Variants in SEM1 observed in about 807,000 individuals in gnomAD.
The protein encoded by SEM1 is SEM1 26S proteasome subunit, also known as 26S proteasome complex subunit SEM1.
SEM1 carries 3 observed loss-of-function variants against 12.7 expected under a neutral mutation model. The observed-to-expected ratio is 0.24, with a 90% CI of 0.11 to 0.61. The LOEUF (loss-of-function observed/expected upper bound fraction) is 0.61, where lower values mean the gene tolerates loss of function less well. Among genes scored for constraint, SEM1 ranks in the 20% least tolerant of loss-of-function variants. SEM1 has a pLI of 0.88. For synonymous variants in SEM1, 30 were observed against 27.8 expected (o/e 1.08, Z -0.25); for missense variants, 59 against 81.3 (o/e 0.73, Z 1.06).
intron 2 of SEM1, among the ~76,000 whole-genome samples, chr7:96,567,351 T>G (rs1805873122): frequency 6.6e-6 from 1 of 151,520 alleles, no homozygotes; most frequent in East Asian, 1.9e-4. Context: ...CCCTTTATAT[T>G]TTAATGTAAC....
chr7:96,587,986 G>A (rs552301053), intron 2 of SEM1, among the ~76,000 whole-genome samples: 1 of 152,166 alleles, frequency 6.6e-6, no homozygotes, highest in East Asian at 1.9e-4. Flanking sequence ...TGTTAACAAC[G>A]AAGTATTATA....
chr7:96,505,097 T>C (rs189830886), intron 3 of SEM1, among the ~76,000 whole-genome samples: 98 of 151,998 alleles, frequency 6.4e-4, no homozygotes, highest in Non-Finnish European at 1.2e-3. Flanking sequence ...GAGTTATCTA[T>C]CTATTTATTT....
intron 2 of SEM1, among the ~76,000 whole-genome samples, chr7:96,572,672 T>C (rs1806074937): frequency 6.6e-6 from 1 of 152,204 alleles, no homozygotes; most frequent in Admixed American, 6.5e-5. Flanking sequence ...TCCATTATTT[T>C]GCATTTGCTG....
At chr7:96,489,756 C>T (rs971770398) in intron 1 of SEM1, among the ~76,000 whole-genome samples, 2 of 152,156 alleles carry the variant, frequency 1.3e-5, no homozygotes, top group African/African-American at 4.8e-5. Context: ...AATGTTGGGC[C>T]TTCCTTGGTT....
At chr7:96,619,700 C>G (rs1807829727), downstream of SEM1, among the ~76,000 whole-genome samples, 1 of 151,966 alleles carries the variant, frequency 6.6e-6, no homozygotes. Context: ...CACCGGGACC[C>G]AAGCAGTCTG....
intron 2 of SEM1, among the ~76,000 whole-genome samples, chr7:96,639,190 G>T (rs1808517187): frequency 6.6e-6 from 1 of 151,810 alleles, no homozygotes; most frequent in Non-Finnish European, 1.5e-5. Context: ...ATTCAACTTT[G>T]TTCACATTTG....
intron 2 of SEM1, among the ~76,000 whole-genome samples, chr7:96,553,740 T>G (rs1390417087): frequency 6.6e-6 from 1 of 152,148 alleles, no homozygotes; most frequent in African/African-American, 2.4e-5. Context: ...AGAAAGTCAT[T>G]GGTAGCTTGA....
At chr7:96,488,582 G>A (rs1054906611) in intron 1 of SEM1, among the ~76,000 whole-genome samples, 12 of 152,034 alleles carry the variant, frequency 7.9e-5, no homozygotes, top group South Asian at 6.2e-4. Flanking sequence ...CTTTCTGCTT[G>A]AGGTCAGAAG....
chr7:96,576,767 T>A (rs1414158523), intron 2 of SEM1, among the ~76,000 whole-genome samples: 1 of 152,184 alleles, frequency 6.6e-6, no homozygotes, highest in African/African-American at 2.4e-5. Flanking sequence ...AATTCTGTTC[T>A]AGGTAATACG....
chr7:96,491,917 T>G (rs1476341564), intron 1 of SEM1, among the ~76,000 whole-genome samples: 1 of 152,192 alleles, frequency 6.6e-6, no homozygotes, highest in Non-Finnish European at 1.5e-5. Flanking sequence ...TGCACCCTTT[T>G]ACAGACAAGA....
At position 96,563,266 on chromosome 7, in the gene SEM1, A is replaced by G. The variant is rs907088501; in HGVS notation, c.171-56568T>C. ...GGCATTAGGAGGGTTGGGAAGGTAT[A>G]TTCTGATTGCTTCTATTTTTTCAGT... On this transcript the variant is annotated intron_variant and NMD_transcript_variant, in intron 2 of 3. Coordinates refer to the SEM1 transcript ENST00000466986. 3.9e-5 allele frequency among the ~76,000 whole-genome samples: 6 copies of G among 152,094 alleles called. No individual in the cohort carries two copies. In the South Asian group the frequency reaches 1.2e-3, roughly 32 times the overall value.
intron 1 of SEM1, among the ~76,000 whole-genome samples, chr7:96,486,669 G>C (rs1802783932): frequency 1.3e-5 from 2 of 152,170 alleles, no homozygotes; most frequent in African/African-American, 4.8e-5. Flanking sequence ...CAGCCTGGGT[G>C]TCACTTATTC....
At chr7:96,695,845 G>A (rs1378760559) in intron 1 of SEM1, 4 of 151,646 alleles carry the variant, frequency 2.6e-5, no homozygotes, top group Non-Finnish European at 5.9e-5. Flanking sequence ...TCCCTAAAAA[G>A]GAAATAATCA....
At chr7:96,566,860 T>G (rs1805856597) in intron 2 of SEM1, among the ~76,000 whole-genome samples, 1 of 151,672 alleles carries the variant, frequency 6.6e-6, no homozygotes, top group African/African-American at 2.4e-5. Flanking sequence ...TCCAGAAGAC[T>G]AGGCAATTGT....
rs1432558168 is a variant in SEM1, at chr7:96,640,193, C to T, written c.171-17550G>A. On this transcript the variant is annotated intron_variant, in intron 2 of 2. Coordinates refer to the SEM1 transcript ENST00000417009. This position sits in a 1 kb window ranked among gnomAD's most constrained non-coding sequence, Gnocchi z 4.0. ...TCTTACAAAACTAAACATACTCTTA[C>T]CATGGGATCCAGAAATTATATGCCT... is the stretch of plus-strand genomic sequence containing the variant. 6.6e-6 allele frequency among the ~76,000 whole-genome samples: 1 copy of T among 151,868 alleles called. No homozygotes were observed. The highest frequency in any genetic ancestry group is 1.5e-5 in the Non-Finnish European group (1 of 67,906).
At position 96,607,984 on chromosome 7, in the gene SEM1, G is replaced by A. The variant is rs924928768; in HGVS notation, c.170+86814C>T. On this transcript the variant is annotated intron_variant and NMD_transcript_variant, in intron 2 of 3. Coordinates refer to the SEM1 transcript ENST00000466986. Reference sequence around the variant, plus strand: ...GCCTCTCCCCTTGAGGGACTCAGGGGCTGATAAGGAGGTGTACTTATAAAA... The same window carrying A: ...GCCTCTCCCCTTGAGGGACTCAGGGACTGATAAGGAGGTGTACTTATAAAA... Among the ~76,000 whole-genome samples, 3 of 152,164 alleles carry A rather than the reference G, an allele frequency of 2.0e-5. No individual in the cohort carries two copies. In the South Asian group the frequency reaches 6.2e-4, roughly 32 times the overall value.
intron 1 of SEM1, among the ~76,000 whole-genome samples, chr7:96,700,848 G>T (rs1421573006): frequency 6.6e-6 from 1 of 151,904 alleles, no homozygotes; most frequent in Admixed American, 6.6e-5. Context: ...CTTGATTTGG[G>T]GGTTTTTCAT....
intron 2 of SEM1, among the ~76,000 whole-genome samples, chr7:96,648,737 AAAG>A (rs1241952823): frequency 2.0e-5 from 3 of 152,216 alleles, no homozygotes; most frequent in Non-Finnish European, 2.9e-5. Flanking sequence ...AAAATAAGTG[AAAG>A]AAGAAGGACT....
At position 96,709,839 on chromosome 7, in the gene SEM1, C is replaced by T. The variant is rs1001320259; in HGVS notation, c.-76G>A. ...CTCACTCTTCCTCAAGGAAACGCCA[C>T]CGTCACTACCGCCTCCGACGCTGAC... On this transcript the variant is annotated 5_prime_UTR_variant, in exon 1 of 3. The change creates a new upstream start codon in the 5' untranslated region. Coordinates refer to ENST00000248566, the MANE Select transcript of SEM1 (RefSeq NM_006304.2). 96 of 1,330,042 alleles carry T rather than the reference C, an allele frequency of 7.2e-5. No homozygotes were observed. Among genetic ancestry groups the T allele is most frequent in the Non-Finnish European group, 9.9e-5 (92 of 927,302 alleles). 82.4% of individuals were successfully genotyped at this position (1,330,042 alleles called of 1,614,324 possible).
Sources: allele counts gnomAD v4.1 joint callset (sites outside exome capture counted in the v4.1 genomes callset), GRCh38; gene constraint gnomAD v4.1.1; non-coding constraint Gnocchi (gnomAD v3.1); transcripts MANE v1.5; gene names NCBI Gene and HGNC (gene_info 2026-07-23, HGNC 2026-07-21).